TRAK1: variants seen among roughly 807,000 people sequenced by gnomAD.
TRAK1 encodes trafficking kinesin protein 1, also known as trafficking kinesin-binding protein 1.
In TRAK1, 33 loss-of-function variants were observed where a neutral mutation model predicts 92.1. The observed-to-expected ratio is 0.36, with a 90% CI of 0.27 to 0.48. The LOEUF (loss-of-function observed/expected upper bound fraction) is 0.48. TRAK1 is among the 20% of genes least tolerant of loss of function. The probability of loss-of-function intolerance (pLI) is 0.99; values close to 1 mark genes in which losing one functional copy is unlikely to be tolerated. For missense variants in TRAK1, 1,123 were observed against 1,257.9 expected, an observed-to-expected ratio of 0.89 and a Z score of 1.62; for synonymous variants, 521 against 517.3, an observed-to-expected ratio of 1.01 and a Z score of -0.10.
chr3:42,039,698 G>A (rs1433940678), intron 1 of TRAK1, among the ~76,000 whole-genome samples: 1 of 152,218 alleles, frequency 6.6e-6, no homozygotes, highest in Non-Finnish European at 1.5e-5. Context: ...AAATAATGCT[G>A]TGAACATTGC....
At chr3:42,124,274 G>T (rs1485163649) in intron 1 of TRAK1, among the ~76,000 whole-genome samples, 2 of 152,158 alleles carry the variant, frequency 1.3e-5, no homozygotes, top group African/African-American at 4.8e-5. Context: ...CAGGCACTTG[G>T]TTTATTTATG....
intron 2 of TRAK1, among the ~76,000 whole-genome samples, chr3:42,144,522 T>C (rs35231487): frequency 2.8e-3 from 425 of 152,336 alleles, no homozygotes; most frequent in Non-Finnish European, 4.1e-3. Context: ...CCCATGCTCT[T>C]AACTATGAAA....
rs770017893 is a variant in TRAK1 at position 42,223,138 on chromosome 3, G to A, written c.2263G>A (p.Asp755Asn). The A allele has an allele frequency of 8.1e-6, 13 of 1,613,958 alleles. No individual in the cohort carries two copies. Among genetic ancestry groups the A allele is most frequent in the Non-Finnish European group, 1.0e-5 (12 of 1,180,022 alleles). The change falls in exon 16 of 16, where the codon GAC becomes AAC. Residue 755 changes from aspartate (D) to asparagine (N), a missense_variant. Transcript: ENST00000327628. The surrounding 1 kb of genome is among the most constrained non-coding windows in gnomAD (Gnocchi z 6.1). ...KERGISAAVY[D>N]PQSWDRAGRG... ...GCGGGGCATTTCTGCTGCCGTGTAC[G>A]ACCCCCAGAGCTGGGACAGGGCCGG...
At chr3:42,078,182 C>T (rs774695224) in intron 1 of TRAK1, among the ~76,000 whole-genome samples, 5 of 152,136 alleles carry the variant, frequency 3.3e-5, no homozygotes, top group Non-Finnish European at 7.4e-5. Context: ...TCCCACTAAG[C>T]TGGGGTAACA....
intron 1 of TRAK1, among the ~76,000 whole-genome samples, chr3:42,057,059 G>A (rs1027692215): frequency 6.6e-6 from 1 of 152,188 alleles, no homozygotes; most frequent in East Asian, 1.9e-4. Context: ...CACTTTGGCC[G>A]ATTGAGATCC....
chr3:42,093,166 G>T (rs1012482401), intron 1 of TRAK1, among the ~76,000 whole-genome samples: 1 of 151,912 alleles, frequency 6.6e-6, no homozygotes, highest in Non-Finnish European at 1.5e-5. Flanking sequence ...AAATTACAAT[G>T]TAGGGAATAA....
rs1308095390 is a variant in TRAK1, at chr3:42,128,719, A to T, written c.286+3105A>T. ...ATATTGTCACCAGTAGAAATCACAG[A>T]TATTTTCATGTCATGCTTCAGTGGA... On this transcript the variant is annotated intron_variant, in intron 2 of 15. Coordinates refer to ENST00000327628, the MANE Select transcript of TRAK1 (RefSeq NM_001042646.3). Among the ~76,000 whole-genome samples the T allele has an allele frequency of 3.9e-5, 6 of 152,238 alleles. No homozygotes were observed. The East Asian group carries it at 9.6e-4, about 24-fold the overall frequency.
At chr3:42,017,239 C>CAACA (rs1701561689) in intron 1 of TRAK1, among the ~76,000 whole-genome samples, 1 of 152,056 alleles carries the variant, frequency 6.6e-6, no homozygotes, top group African/African-American at 2.4e-5. Context: ...CCTGCCTGGG[C>CAACA]GACAGAGTGA....
At chr3:42,151,224 C>T in intron 2 of TRAK1, 4 of 396,964 alleles carry the variant, frequency 1.0e-5, no homozygotes, top group South Asian at 5.7e-5. Flanking sequence ...CCACACCATC[C>T]AGTTCCCTTT....
At chr3:42,083,140 C>T (rs1462310134), upstream of TRAK1, among the ~76,000 whole-genome samples, 1 of 152,138 alleles carries the variant, frequency 6.6e-6, no homozygotes, top group Non-Finnish European at 1.5e-5. Flanking sequence ...CTATAAGTTT[C>T]CTAAATCACT....
chr3:42,086,199 G>A (rs769703161), upstream of TRAK1, among the ~76,000 whole-genome samples: 16 of 152,202 alleles, frequency 1.1e-4, no homozygotes, highest in Non-Finnish European at 2.1e-4. Flanking sequence ...GCAGAGCGGA[G>A]TGTTCAGCAG....
intron 1 of TRAK1, among the ~76,000 whole-genome samples, chr3:42,109,395 C>T (rs1708031211): frequency 6.6e-6 from 1 of 152,042 alleles, no homozygotes; most frequent in Non-Finnish European, 1.5e-5. Context: ...GTGAATTAGC[C>T]CTGCTCAGCA....
chr3:42,182,542 GC>G (rs1393059445), intron 3 of TRAK1, among the ~76,000 whole-genome samples: 2 of 152,124 alleles, frequency 1.3e-5, no homozygotes, highest in Non-Finnish European at 2.9e-5. Context: ...ATCCCAAAGT[GC>G]CGGGATTACG....
At chr3:42,196,967 C>T (rs1706755294) in intron 10 of TRAK1, among the ~76,000 whole-genome samples, 1 of 137,648 alleles carries the variant, frequency 7.3e-6, no homozygotes, top group African/African-American at 2.7e-5. Context: ...CTCTCTCTCT[C>T]TCTCTCTCTT....
At chr3:42,170,775 C>T (rs1702440529) in intron 2 of TRAK1, among the ~76,000 whole-genome samples, 1 of 151,198 alleles carries the variant, frequency 6.6e-6, no homozygotes, top group South Asian at 2.1e-4. Context: ...ATATGTAAGG[C>T]AGAATGCAAA....
At chr3:42,054,265 T>A (rs1461286743) in intron 1 of TRAK1, among the ~76,000 whole-genome samples, 2 of 152,204 alleles carry the variant, frequency 1.3e-5, no homozygotes, top group South Asian at 2.1e-4. Flanking sequence ...GTGACCTCCT[T>A]CAGCACCCCC....
rs952625152 is a variant in TRAK1, at chr3:42,177,014, A to G, written c.363+124A>G. 5.3e-5 allele frequency: 44 copies of G among 831,622 alleles called. 1 individual carries two copies. The South Asian group carries it at 6.9e-4, about 13-fold the overall frequency. 51.5% of individuals were successfully genotyped at this position (831,622 alleles called of 1,614,324 possible). A position where few individuals can be genotyped will look rare whatever the true frequency, so the allele number is the denominator to read the frequency against. The stretch of plus-strand genomic sequence containing the variant: ...CTTGGAAATTGGTCTCTTTCGAGGT[A>G]TAATTTAATGGCTTTACTTTTTGAA... On this transcript the variant is annotated intron_variant, in intron 3 of 15. Coordinates refer to ENST00000327628, the MANE Select transcript of TRAK1 (RefSeq NM_001042646.3).
intron 1 of TRAK1, among the ~76,000 whole-genome samples, chr3:42,077,308 A>G (rs139337085): frequency 0.011 from 1,729 of 152,150 alleles, 19 homozygotes; most frequent in Non-Finnish European, 0.017. Context: ...TTTTACCTCG[A>G]GGCAGAGTCT....
At chr3:42,028,441 AGTCCAG>A (rs1431755792) in intron 1 of TRAK1, among the ~76,000 whole-genome samples, 6 of 152,216 alleles carry the variant, frequency 3.9e-5, no homozygotes, top group South Asian at 2.1e-4. Context: ...TAAATGAGAC[AGTCCAG>A]GTCTGGGGGC....
Sources: allele counts gnomAD v4.1 joint callset (sites outside exome capture counted in the v4.1 genomes callset), GRCh38; gene constraint gnomAD v4.1.1; non-coding constraint Gnocchi (gnomAD v3.1); transcripts MANE v1.5; gene names NCBI Gene and HGNC (gene_info 2026-07-23, HGNC 2026-07-21).